The following TTC23L variants were observed in gnomAD, a reference collection of about 807,000 sequenced individuals.
The protein encoded by TTC23L is tetratricopeptide repeat domain 23 like, also known as tetratricopeptide repeat protein 23-like.
Under a neutral mutation model 48.1 loss-of-function variants are expected in TTC23L, and 42 were observed. The observed-to-expected ratio is 0.87, with a 90% confidence interval of 0.68 to 1.13. The LOEUF is 1.13. Among genes scored for constraint, TTC23L ranks in the 50% most tolerant of loss-of-function variants. TTC23L has a pLI of 0.00. For missense variants in TTC23L, 391 were observed against 421.0 expected (o/e 0.93, Z 0.62); for synonymous variants, 159 against 157.2 (o/e 1.01, Z -0.09).
At position 34,863,145 on chromosome 5, in the gene TTC23L, A is replaced by G. The variant is rs1168938988; in HGVS notation, c.536+91A>G. 7 of 1,521,788 alleles carry G rather than the reference A, an allele frequency of 4.6e-6. No individual in the cohort carries two copies. The highest frequency in any genetic ancestry group is 6.3e-6 in the Non-Finnish European group (7 of 1,115,550). The allele number at this position is 1,521,788 out of a possible 1,614,324, so 94.3% of individuals were successfully genotyped here. A position where few individuals can be genotyped will look rare whatever the true frequency, so the allele number is the denominator to read the frequency against. Reference sequence around the variant, plus strand: ...TCTCATACAGGAGGGTGGGAGATGGAACCAAGGCCTTGTAGATCTGTTCCA... The same window carrying G: ...TCTCATACAGGAGGGTGGGAGATGGGACCAAGGCCTTGTAGATCTGTTCCA... On this transcript the variant is annotated intron_variant, in intron 5 of 10. Transcript: ENST00000505624. The surrounding 1 kb of genome is among the most constrained non-coding windows in gnomAD (Gnocchi z 4.1).
chr5:34,873,823 T>A (rs12515572), intron 8 of TTC23L, among the ~76,000 whole-genome samples: 20,835 of 152,140 alleles, frequency 0.14, 1,613 homozygotes, highest in Middle Eastern at 0.22. Context: ...TTGGAATGCA[T>A]TTTTGTCTAC....
chr5:34,853,600 G>GAAT (rs1303145653), intron 4 of TTC23L, among the ~76,000 whole-genome samples: 1 of 152,130 alleles, frequency 6.6e-6, no homozygotes, highest in Non-Finnish European at 1.5e-5. Context: ...AGAATGGGTA[G>GAAT]GGTAAAGGGG....
intron 4 of TTC23L, among the ~76,000 whole-genome samples, chr5:34,853,382 T>G (rs1580430645): frequency 6.6e-6 from 1 of 152,082 alleles, no homozygotes; most frequent in South Asian, 2.1e-4. Flanking sequence ...AATACAAAAA[T>G]TAGCCAAGTG....
At chr5:34,882,426 C>T (rs1762277967) in intron 9 of TTC23L, among the ~76,000 whole-genome samples, 1 of 152,186 alleles carries the variant, frequency 6.6e-6, no homozygotes, top group South Asian at 2.1e-4. Context: ...GCAGTGTCCT[C>T]ACTGCCTGAA....
chr5:34,898,178 G>A (rs886765318), intron 10 of TTC23L, among the ~76,000 whole-genome samples: 1 of 152,206 alleles, frequency 6.6e-6, no homozygotes, highest in African/African-American at 2.4e-5. Flanking sequence ...GCTATTTTTA[G>A]TTTTACTGAA....
chr5:34,920,623 A>G, the TTC23L span: 1 of 152,206 alleles, frequency 6.6e-6, no homozygotes, highest in Admixed American at 6.5e-5. Flanking sequence ...AGGAGAAATA[A>G]AGCAGGTTAT....
chr5:34,919,100 A>T, the TTC23L span: 12 of 150,876 alleles, frequency 8.0e-5, no homozygotes, highest in Admixed American at 7.3e-4. Flanking sequence ...AATAAAAAAA[A>T]AAAAAAATGA....
chr5:34,918,245 C>T, the TTC23L span: 1 of 524,212 alleles, frequency 1.9e-6, no homozygotes, highest in Non-Finnish European at 3.4e-6. Context: ...AGCCCAGGAA[C>T]TTGAAACTGC....
At chr5:34,839,963 A>G (rs1758468967) in intron 1 of TTC23L, among the ~76,000 whole-genome samples, 1 of 152,220 alleles carries the variant, frequency 6.6e-6, no homozygotes, top group Non-Finnish European at 1.5e-5. Flanking sequence ...GCTGGAGTGC[A>G]GTGGCGCGAT....
chr5:34,890,504 A>G (rs1762803072), intron 9 of TTC23L, among the ~76,000 whole-genome samples: 1 of 151,902 alleles, frequency 6.6e-6, no homozygotes, highest in Non-Finnish European at 1.5e-5. Context: ...GGTAAATGTA[A>G]GATTTGAATC....
the TTC23L span, chr5:34,924,726 C>T: frequency 3.4e-6 from 2 of 591,360 alleles, no homozygotes; most frequent in Non-Finnish European, 5.9e-6. Flanking sequence ...CAAGTTTCAC[C>T]CCCACCTTGA....
intron 9 of TTC23L, among the ~76,000 whole-genome samples, chr5:34,891,937 G>A (rs340991): frequency 0.24 from 36,260 of 152,102 alleles, 5,093 homozygotes; most frequent in South Asian, 0.37. Context: ...AAATTACAAC[G>A]AAACCAAACC....
At chr5:34,909,338 A>G in the TTC23L span, 1 of 1,607,174 alleles carries the variant, frequency 6.2e-7, no homozygotes. Flanking sequence ...AACTTCCTGC[A>G]TTTCCAAAAG....
the TTC23L span, chr5:34,909,067 T>A: frequency 9.3e-7 from 1 of 1,074,822 alleles, no homozygotes; most frequent in Non-Finnish European, 1.3e-6. Context: ...TCCAATTTGC[T>A]AATATTTTCT....
chr5:34,839,570 G>C (rs188866442), intron 1 of TTC23L: 1 of 919,206 alleles, frequency 1.1e-6, no homozygotes, highest in East Asian at 1.2e-4. Context: ...TTTGCTGTGG[G>C]CATAGTGTTT....
At chr5:34,899,790 G>C (rs533790982), downstream of TTC23L, among the ~76,000 whole-genome samples, 16 of 152,274 alleles carry the variant, frequency 1.1e-4, no homozygotes, top group African/African-American at 3.9e-4. Context: ...TACTCGGGAG[G>C]CTGAGGCAGA....
At chr5:34,914,210 T>C in the TTC23L span, among the ~76,000 whole-genome samples, 1 of 152,240 alleles carries the variant, frequency 6.6e-6, no homozygotes, top group South Asian at 2.1e-4. Context: ...AGTAATAGCA[T>C]ATCGCAGTGG....
the TTC23L span, chr5:34,918,219 G>A: frequency 1.9e-6 from 1 of 512,842 alleles, no homozygotes. Flanking sequence ...GCTGGGGTGG[G>A]AGGATCACTT....
At chr5:34,868,954 C>G in exon 8 of TTC23L, 1 of 1,611,706 alleles carries the variant, frequency 6.2e-7, no homozygotes, top group East Asian at 2.2e-5. Flanking sequence ...CCCAAAACTG[C>G]AGAAATGAGT....
Sources: allele counts gnomAD v4.1 joint callset (sites outside exome capture counted in the v4.1 genomes callset), GRCh38; gene constraint gnomAD v4.1.1; non-coding constraint Gnocchi (gnomAD v3.1); transcripts MANE v1.5; gene names NCBI Gene and HGNC (gene_info 2026-07-23, HGNC 2026-07-21).